Variants in SDS observed in about 807,000 individuals in gnomAD.
The protein encoded by SDS is serine dehydratase, also known as L-serine dehydratase/L-threonine deaminase.
Under a neutral mutation model 29.3 loss-of-function variants are expected in SDS, and 19 were observed. That is an observed-to-expected ratio of 0.65 (90% CI 0.45 to 0.95). The LOEUF is 0.95. Ranked by LOEUF, SDS falls within the 40% of genes least tolerant of loss-of-function variation. The pLI, the probability that SDS is intolerant of heterozygous loss-of-function variation, is 0.00. For synonymous variants in SDS, 176 were observed against 189.0 expected (o/e 0.93, Z 0.56); for missense variants, 375 against 439.9 (o/e 0.85, Z 1.32).
chr12:113,401,720 T>G (rs1957685645), intron 1 of SDS, among the ~76,000 whole-genome samples: 1 of 152,128 alleles, frequency 6.6e-6, no homozygotes, highest in Non-Finnish European at 1.5e-5. Flanking sequence ...TGCTTCTGGA[T>G]GGGCTCTGGG....
At position 113,393,880 on chromosome 12, in the gene SDS, C is replaced by T. The variant is rs1957627739; in HGVS notation, c.778+12G>A. The T allele has an allele frequency of 6.2e-7, 1 of 1,614,160 alleles. No individual in the cohort carries two copies. Among genetic ancestry groups the T allele is most frequent in the Non-Finnish European group, 8.5e-7 (1 of 1,180,022 alleles). ...GTCAGCAGGTCAGGTCATGGGAGGA[C>T]CTGGCACATACCCACGAACTTCTCA... On this transcript the variant is annotated intron_variant, in intron 7 of 7. Transcript: ENST00000257549.
chr12:113,394,130 G>A (rs769131069), intron 6 of SDS, 114 bp from the exon 7 acceptor site: 220 of 976,458 alleles, frequency 2.3e-4, no homozygotes, highest in Non-Finnish European at 6.5e-5. Context: ...TGCATCTGGG[G>A]GCAGGGGGAC....
At chr12:113,400,903 C>T (rs193283160) in intron 1 of SDS, among the ~76,000 whole-genome samples, 1 of 152,184 alleles carries the variant, frequency 6.6e-6, no homozygotes, top group African/African-American at 2.4e-5. Context: ...CCTGTAATCC[C>T]AGCACTTTGG....
At chr12:113,393,796 A>G in intron 7 of SDS, 96 bp downstream of exon 7, 1 of 1,535,220 alleles carries the variant, frequency 6.5e-7, no homozygotes, top group Non-Finnish European at 8.9e-7. Context: ...CTGTGAAGGA[A>G]ACTTGGGGTG....
chr12:113,398,843 C>T lies in SDS; in HGVS notation c.197G>A (p.Gly66Asp). ...GCAHFVCSSA[G>D]NAGMAAAYAA... ...ATATGCAGCCGCCATGCCTGCGTTG[C>T]CCGCTGCCAGGGTCGGGGGTGGAGA... is the stretch of plus-strand genomic sequence containing the variant. Residue 66 changes from glycine to aspartate, a missense_variant, in exon 4 of 8, where the codon GGC becomes GAC. Gly to Asp is a moderately conservative substitution (Grantham distance 94). Transcript: ENST00000257549. The T allele has an allele frequency of 6.2e-7, 1 of 1,603,292 alleles. No homozygotes were observed. Among genetic ancestry groups the T allele is most frequent in the Non-Finnish European group, 8.5e-7 (1 of 1,175,190 alleles).
At chr12:113,400,348 C>A (rs1593299161) in intron 1 of SDS, among the ~76,000 whole-genome samples, 1 of 151,966 alleles carries the variant, frequency 6.6e-6, no homozygotes, top group African/African-American at 2.4e-5. Context: ...TGGCAGGCAC[C>A]TGTAATCTCA....
At position 113,398,524 on chromosome 12, in the gene SDS, G is replaced by C; in HGVS notation, c.416C>G (p.Pro139Arg). Residue 139 changes from proline (P) to arginine (R), a missense_variant, in exon 5 of 8, where the codon CCC (proline) becomes CGC (arginine). Coordinates refer to ENST00000257549, the MANE Select transcript of SDS (RefSeq NM_006843.3). ...GWVYIPPFDDPLIWEGHASIV... is the reference protein window; with the variant it reads ...GWVYIPPFDDRLIWEGHASIV... Reference sequence around the variant, plus strand: ...CTTGAACTCCACATACCAGATGAGGGGGTCATCAAAGGGGGGAATGTAGAC... The same window carrying C: ...CTTGAACTCCACATACCAGATGAGGCGGTCATCAAAGGGGGGAATGTAGAC... 1.3e-6 allele frequency: 2 copies of C among 1,590,464 alleles called. No individual in the cohort carries two copies. Among genetic ancestry groups the C allele is most frequent in the Non-Finnish European group, 1.7e-6 (2 of 1,169,676 alleles).
rs1957622474 is a variant in SDS at position 113,393,229 on chromosome 12, T to G, written c.779-80A>C. 2.3e-6 allele frequency: 3 copies of G among 1,329,200 alleles called. No homozygotes were observed. In the South Asian group the frequency reaches 3.6e-5, roughly 16 times the overall value. 82.3% of individuals were successfully genotyped at this position (1,329,200 alleles called of 1,614,324 possible). On this transcript the variant is annotated intron_variant, in intron 7 of 7. Coordinates refer to ENST00000257549, the MANE Select transcript of SDS (RefSeq NM_006843.3). ...GAGCTGACAGGCCATTGGCAGGACCTGGGAATACTGAGCCAATCAGCTCTC... is the reference window on the plus strand; with the variant it reads ...GAGCTGACAGGCCATTGGCAGGACCGGGGAATACTGAGCCAATCAGCTCTC...
At chr12:113,400,737 C>A (rs917276022) in intron 1 of SDS, among the ~76,000 whole-genome samples, 1 of 152,024 alleles carries the variant, frequency 6.6e-6, no homozygotes, top group Non-Finnish European at 1.5e-5. Flanking sequence ...AGGAAACATG[C>A]ATGACAGGCT....
intron 6 of SDS, among the ~76,000 whole-genome samples, chr12:113,395,449 C>T (rs1412213136): frequency 1.3e-5 from 2 of 152,200 alleles, no homozygotes; most frequent in Non-Finnish European, 2.9e-5. Flanking sequence ...CTATTGTCTG[C>T]CCCGGTGTCT....
Position 113,393,874 on chromosome 12 carries a change from G to A in SDS, c.778+18C>T. The A allele has an allele frequency of 6.2e-7, 1 of 1,614,154 alleles. No homozygotes were observed. The highest frequency in any genetic ancestry group is 8.5e-7 in the Non-Finnish European group (1 of 1,180,014). ...GCCTGAGTCAGCAGGTCAGGTCATG[G>A]GAGGACCTGGCACATACCCACGAAC... On this transcript the variant is annotated intron_variant, in intron 7 of 7. Transcript: ENST00000257549.
At chr12:113,402,998 C>T (rs939191991) in intron 1 of SDS, among the ~76,000 whole-genome samples, 1 of 152,150 alleles carries the variant, frequency 6.6e-6, no homozygotes, top group Admixed American at 6.5e-5. Context: ...GGGCTGGACA[C>T]CTTAAGTGCA....
Position 113,393,031 on chromosome 12 carries a change from C to A in SDS, c.897G>T (p.Val299=). ...GNLRTPLPSL[V]VIVCGGSNIS... is the part of the protein sequence containing the mutation. ...TGTTGCTGCCCCCGCAGACGATGACCACGAGGGATGGCAGCGGGGTTCGGA... is the reference window on the plus strand; with the variant it reads ...TGTTGCTGCCCCCGCAGACGATGACAACGAGGGATGGCAGCGGGGTTCGGA... The change falls in exon 8 of 8, where the codon GTG becomes GTT. Residue 299 remains valine, a synonymous_variant. Transcript: ENST00000257549. The A allele has an allele frequency of 6.2e-7, 1 of 1,614,230 alleles. No individual in the cohort carries two copies. Among genetic ancestry groups the A allele is most frequent in the Non-Finnish European group, 8.5e-7 (1 of 1,180,052 alleles).
intron 1 of SDS, among the ~76,000 whole-genome samples, chr12:113,401,848 G>A (rs951397402): frequency 1.3e-5 from 2 of 152,146 alleles, no homozygotes; most frequent in African/African-American, 4.8e-5. Flanking sequence ...TCCTCAACTT[G>A]GGCCGGGCCA....
At chr12:113,398,397 C>T (rs913029749) in intron 5 of SDS, 118 bp downstream of exon 5, 21 of 685,906 alleles carry the variant, frequency 3.1e-5, no homozygotes, top group African/African-American at 1.1e-4. Context: ...TGGTGGTGTG[C>T]GCACACATGT....
intron 6 of SDS, among the ~76,000 whole-genome samples, chr12:113,395,441 A>G (rs138936040): frequency 1.4e-4 from 21 of 152,288 alleles, no homozygotes; most frequent in Non-Finnish European, 2.4e-4. Context: ...AGGGGAGACT[A>G]TTGTCTGCCC....
In SDS at chr12:113,393,227, C is replaced by A. The variant is rs997974323; in HGVS notation, c.779-78G>T. On this transcript the variant is annotated intron_variant, in intron 7 of 7. Transcript: ENST00000257549. ...AGGAGCTGACAGGCCATTGGCAGGA[C>A]CTGGGAATACTGAGCCAATCAGCTC... 27 of 1,343,964 alleles carry A rather than the reference C, an allele frequency of 2.0e-5. No individual in the cohort carries two copies. In the African/African-American group the frequency reaches 3.6e-4, roughly 18 times the overall value. The allele number at this position is 1,343,964 out of a possible 1,614,324, so 83.3% of individuals were successfully genotyped here.
rs142979684 is a variant in SDS at position 113,395,349 on chromosome 12, G to A, written c.654-1333C>T. ...CCATGACGTCTTCAGTCCCTACAGT[G>A]TGGGACACAGCAGCTCCAGATGCCA... On this transcript the variant is annotated intron_variant, in intron 6 of 7. Coordinates refer to ENST00000257549, the MANE Select transcript of SDS (RefSeq NM_006843.3). Among the ~76,000 whole-genome samples the A allele has an allele frequency of 9.8e-3, 1,493 of 152,304 alleles. 29 individuals are homozygous for A. Among genetic ancestry groups the A allele is most frequent in the African/African-American group, 0.033 (1,374 of 41,558 alleles).
At chr12:113,399,257 T>A in intron 2 of SDS, 106 bp from the exon 3 acceptor site, 4 of 1,224,654 alleles carry the variant, frequency 3.3e-6, no homozygotes, top group Non-Finnish European at 4.7e-6. Flanking sequence ...CACGGACGTT[T>A]CCTTCACTCA....
Sources: allele counts gnomAD v4.1 joint callset (sites outside exome capture counted in the v4.1 genomes callset), GRCh38; gene constraint gnomAD v4.1.1; transcripts MANE v1.5; gene names NCBI Gene and HGNC (gene_info 2026-07-23, HGNC 2026-07-21).